TNIK: variants seen among roughly 807,000 people sequenced by gnomAD.
The protein encoded by TNIK is TRAF2 and NCK interacting kinase.
In TNIK, 49 loss-of-function variants were observed where a neutral mutation model predicts 191.3. The observed-to-expected ratio is 0.26, with a 90% CI of 0.20 to 0.32. TNIK has a LOEUF of 0.32. Among genes scored for constraint, TNIK ranks in the 10% least tolerant of loss-of-function variants. The probability of loss-of-function intolerance (pLI) is 1.00; values close to 1 mark genes in which losing one functional copy is unlikely to be tolerated. For synonymous variants in TNIK, 594 were observed against 600.9 expected, an observed-to-expected ratio of 0.99 and a Z score of 0.17; for missense variants, 1,155 against 1,702.3, an observed-to-expected ratio of 0.68 and a Z score of 5.66.
chr3:171,259,264 A>G (rs959948702), intron 2 of TNIK, among the ~76,000 whole-genome samples: 10 of 152,328 alleles, frequency 6.6e-5, no homozygotes, highest in African/African-American at 2.2e-4. Flanking sequence ...ATATTTAAAC[A>G]TAACCTTTAA....
At chr3:171,216,377 A>G (rs372551419) in intron 3 of TNIK, among the ~76,000 whole-genome samples, 2 of 152,244 alleles carry the variant, frequency 1.3e-5, no homozygotes, top group African/African-American at 4.8e-5. Context: ...TAGTGAATAC[A>G]AAATTAGAAA....
intron 2 of TNIK, among the ~76,000 whole-genome samples, chr3:171,293,295 G>A (rs1365348317): frequency 6.6e-6 from 1 of 152,048 alleles, no homozygotes; most frequent in Non-Finnish European, 1.5e-5. Context: ...TTTACTCCAC[G>A]CCTACAAGAT....
At chr3:171,217,456 G>A (rs1042917181) in intron 3 of TNIK, among the ~76,000 whole-genome samples, 3 of 151,998 alleles carry the variant, frequency 2.0e-5, no homozygotes, top group African/African-American at 7.2e-5. Flanking sequence ...GTCAGTACCT[G>A]GGTGACAGAA....
intron 27 of TNIK, among the ~76,000 whole-genome samples, chr3:171,080,439 A>ATTTG (rs1243166627): frequency 6.8e-6 from 1 of 147,616 alleles, no homozygotes; most frequent in East Asian, 1.9e-4. Flanking sequence ...TTATTTATTT[A>ATTTG]TTTATTTTTT....
At chr3:171,173,574 G>A (rs976671442) in intron 9 of TNIK, among the ~76,000 whole-genome samples, 3 of 152,132 alleles carry the variant, frequency 2.0e-5, no homozygotes, top group Non-Finnish European at 4.4e-5. Flanking sequence ...CAAGAAAAAG[G>A]CCAGAAATCT....
chr3:171,193,614 CCTT>C (rs1270135165), intron 5 of TNIK, among the ~76,000 whole-genome samples: 2 of 152,152 alleles, frequency 1.3e-5, no homozygotes, highest in African/African-American at 4.8e-5. Context: ...CTTATGCCTT[CCTT>C]CTTTTTTAAC....
At chr3:171,447,794 G>A (rs1443902300) in intron 1 of TNIK, among the ~76,000 whole-genome samples, 1 of 152,172 alleles carries the variant, frequency 6.6e-6, no homozygotes. Context: ...ATATAAGGAT[G>A]TTTATTGAAG....
At chr3:171,211,981 C>T (rs1260420168) in intron 3 of TNIK, among the ~76,000 whole-genome samples, 1 of 152,050 alleles carries the variant, frequency 6.6e-6, no homozygotes, top group Admixed American at 6.6e-5. Context: ...GAGATGGTGA[C>T]CTCCCATAAT....
intron 18 of TNIK, among the ~76,000 whole-genome samples, chr3:171,112,499 AG>A (rs758762997): frequency 6.6e-6 from 1 of 152,214 alleles, no homozygotes; most frequent in Non-Finnish European, 1.5e-5. Context: ...AAATATTAAA[AG>A]GGAAAAAATA....
intron 2 of TNIK, among the ~76,000 whole-genome samples, chr3:171,323,671 G>T (rs1397772965): frequency 1.3e-5 from 2 of 152,058 alleles, no homozygotes. Context: ...GATTAGAGAA[G>T]ATCTGAAGTA....
At chr3:171,283,061 C>A (rs1750644902) in intron 2 of TNIK, among the ~76,000 whole-genome samples, 1 of 151,892 alleles carries the variant, frequency 6.6e-6, no homozygotes, top group Non-Finnish European at 1.5e-5. Flanking sequence ...AAAACGTGAC[C>A]TTTATCAAGG....
intron 1 of TNIK, among the ~76,000 whole-genome samples, chr3:171,443,461 C>T (rs1400891299): frequency 2.6e-5 from 4 of 152,144 alleles, no homozygotes; most frequent in African/African-American, 9.7e-5. Flanking sequence ...GGAAACTGCT[C>T]CAAACTTAGT....
intron 2 of TNIK, among the ~76,000 whole-genome samples, chr3:171,306,423 G>C (rs1410334420): frequency 6.6e-6 from 1 of 152,100 alleles, no homozygotes; most frequent in East Asian, 1.9e-4. Flanking sequence ...ATTCATTCGG[G>C]ACTCTTTCAC....
chr3:171,142,730 C>A (rs1449379673), intron 12 of TNIK, among the ~76,000 whole-genome samples: 1 of 152,112 alleles, frequency 6.6e-6, no homozygotes, highest in African/African-American at 2.4e-5. Context: ...GGATTACAGA[C>A]CCAAAACAGA....
At chr3:171,389,473 G>A (rs555945748) in intron 1 of TNIK, among the ~76,000 whole-genome samples, 65 of 152,124 alleles carry the variant, frequency 4.3e-4, no homozygotes, top group Admixed American at 2.4e-3. Context: ...CAAGACCCCA[G>A]TCTCAAGAAG....
At chr3:171,404,928 T>C (rs902921212) in intron 1 of TNIK, among the ~76,000 whole-genome samples, 7 of 152,152 alleles carry the variant, frequency 4.6e-5, no homozygotes, top group African/African-American at 7.2e-5. Flanking sequence ...AACACGATGA[T>C]TATAAATTTG....
rs572163095 is a variant in TNIK at position 171,180,910 on chromosome 3, A to G, written c.640-3530T>C. 4.3e-3 allele frequency among the ~76,000 whole-genome samples: 660 copies of G among 152,320 alleles called. 4 individuals are homozygous for G. Among genetic ancestry groups the G allele is most frequent in the African/African-American group, 0.015 (623 of 41,570 alleles). On this transcript the variant is annotated intron_variant, in intron 7 of 32. Coordinates refer to ENST00000436636, the MANE Select transcript of TNIK (RefSeq NM_015028.4). ...GGTGACTGAAGGTGCTGGCAACTCA[A>G]TAAAGGTACTGAGATTCAGTGAGGT...
At chr3:171,390,382 T>G (rs9290411) in intron 1 of TNIK, among the ~76,000 whole-genome samples, 74,796 of 152,026 alleles carry the variant, frequency 0.49, 19,199 homozygotes, top group African/African-American at 0.58. Context: ...AAATAATAAC[T>G]ATGCAAGGTT....
At position 171,231,605 on chromosome 3, in the gene TNIK, A is replaced by G. The variant is rs370227531; in HGVS notation, c.124-3384T>C. Among the ~76,000 whole-genome samples the G allele has an allele frequency of 3.9e-5, 6 of 152,188 alleles. No homozygotes were observed. The East Asian group carries it at 7.7e-4, about 20-fold the overall frequency. On this transcript the variant is annotated intron_variant, in intron 2 of 32. Coordinates refer to ENST00000436636, the MANE Select transcript of TNIK (RefSeq NM_015028.4). ...ACATTTTGCTGATCAGGAAAGGGCC[A>G]TGAAGGAACTTGCCCAGCATGAGCT... is the stretch of plus-strand genomic sequence containing the variant.
Sources: gnomAD v4.1 joint callset for allele counts (sites outside exome capture counted in the v4.1 genomes callset) on GRCh38, gnomAD v4.1.1 for gene constraint, MANE v1.5 for transcripts, NCBI Gene and HGNC (gene_info 2026-07-23, HGNC 2026-07-21) for gene names.